Variants in FBXL7 observed in about 807,000 individuals in gnomAD.
FBXL7 encodes F-box and leucine rich repeat protein 7, also known as F-box/LRR-repeat protein 7.
Under a neutral mutation model 38.3 loss-of-function variants are expected in FBXL7, and 12 were observed. That is an observed-to-expected ratio of 0.31 (90% CI 0.20 to 0.51). The LOEUF (loss-of-function observed/expected upper bound fraction) is 0.51, where lower values mean the gene tolerates loss of function less well. FBXL7 is among the 20% of genes least tolerant of loss of function. FBXL7 has a pLI of 0.98. For missense variants in FBXL7, 567 were observed against 676.4 expected (o/e 0.84, Z 1.79); for synonymous variants, 297 against 300.9 (o/e 0.99, Z 0.13).
chr5:15,745,210 G>C (rs1735983194), intron 2 of FBXL7, among the ~76,000 whole-genome samples: 1 of 139,820 alleles, frequency 7.2e-6, no homozygotes, highest in Admixed American at 7.4e-5. Context: ...CTGTGACTAT[G>C]AAAGTGTATT....
At chr5:15,718,356 A>C (rs991833322) in intron 2 of FBXL7, among the ~76,000 whole-genome samples, 2 of 152,172 alleles carry the variant, frequency 1.3e-5, no homozygotes, top group Admixed American at 1.3e-4. Context: ...CTTTCTTTAG[A>C]TATTAGTCAA....
intron 2 of FBXL7, among the ~76,000 whole-genome samples, chr5:15,914,625 C>T (rs1053516813): frequency 6.6e-6 from 1 of 152,156 alleles, no homozygotes; most frequent in African/African-American, 2.4e-5. Context: ...AACAAAAGAC[C>T]TGAAAATGAA....
intron 2 of FBXL7, among the ~76,000 whole-genome samples, chr5:15,724,904 C>G (rs181584141): frequency 6.6e-6 from 1 of 152,118 alleles, no homozygotes; most frequent in Admixed American, 6.6e-5. Context: ...GTAGCGATTA[C>G]TGTGTTGAGT....
intron 2 of FBXL7, among the ~76,000 whole-genome samples, chr5:15,687,342 C>G (rs1348635825): frequency 2.6e-5 from 4 of 152,148 alleles, no homozygotes; most frequent in Admixed American, 2.6e-4. Context: ...TTACAGAATC[C>G]AAATTGTGGC....
chr5:15,868,900 TAA>T (rs1169842222), intron 2 of FBXL7, among the ~76,000 whole-genome samples: 1 of 152,162 alleles, frequency 6.6e-6, no homozygotes, highest in Non-Finnish European at 1.5e-5. Context: ...TAATTGTATA[TAA>T]GAGTTAACTA....
chr5:15,639,961 C>T (rs1037655994), intron 2 of FBXL7, among the ~76,000 whole-genome samples: 8 of 151,946 alleles, frequency 5.3e-5, no homozygotes, highest in African/African-American at 1.7e-4. Flanking sequence ...AGGTCTTTTC[C>T]GTAATTGAGG....
chr5:15,572,387 T>TAAAAAAA (rs61523559), intron 1 of FBXL7, among the ~76,000 whole-genome samples: 1 of 110,554 alleles, frequency 9.0e-6, no homozygotes. Flanking sequence ...TGGTTTCTGC[T>TAAAAAAA]AAAAAAAAAA....
At chr5:15,768,547 AAAAAG>A (rs1736650865) in intron 2 of FBXL7, among the ~76,000 whole-genome samples, 1 of 152,120 alleles carries the variant, frequency 6.6e-6, no homozygotes, top group Admixed American at 6.5e-5. Flanking sequence ...AAAAAAGAAA[AAAAAG>A]AGTAACACTG....
rs186404662 is a variant in FBXL7, at chr5:15,634,536, G to C, written c.127+18464G>C. ...GGGGGTTTACCCTAGGGCCAGGCTG[G>C]TGTCGAACTCCTGACCTCAAGTGAT... On this transcript the variant is annotated intron_variant, in intron 2 of 3. Transcript: ENST00000504595. Among the ~76,000 whole-genome samples the C allele has an allele frequency of 7.7e-3, 1,165 of 151,708 alleles. 6 individuals are homozygous for C. Among genetic ancestry groups the C allele is most frequent in the Middle Eastern group, 0.017 (5 of 294 alleles).
intron 2 of FBXL7, among the ~76,000 whole-genome samples, chr5:15,918,341 C>T (rs1304513141): frequency 2.6e-5 from 4 of 152,130 alleles, no homozygotes; most frequent in Admixed American, 1.3e-4. Context: ...GGATTATAAT[C>T]TAGGACTCAC....
chr5:15,661,322 A>T (rs74662380), intron 2 of FBXL7, among the ~76,000 whole-genome samples: 1 of 152,088 alleles, frequency 6.6e-6, no homozygotes, highest in Non-Finnish European at 1.5e-5. Context: ...GAGATTTTCT[A>T]TGTAGATGAT....
intron 1 of FBXL7, among the ~76,000 whole-genome samples, chr5:15,596,025 G>A (rs750919282): frequency 1.3e-5 from 2 of 152,168 alleles, no homozygotes; most frequent in South Asian, 4.1e-4. Context: ...AGGGGACATC[G>A]CAGTCCTAAT....
chr5:15,861,912 A>G (rs191748743), intron 2 of FBXL7, among the ~76,000 whole-genome samples: 101 of 152,364 alleles, frequency 6.6e-4, no homozygotes, highest in Non-Finnish European at 1.1e-3. Context: ...ATTTTAATAT[A>G]TGATCAGCCA....
At chr5:15,614,847 G>C (rs1223405103) in intron 1 of FBXL7, among the ~76,000 whole-genome samples, 1 of 152,170 alleles carries the variant, frequency 6.6e-6, no homozygotes, top group Non-Finnish European at 1.5e-5. Flanking sequence ...AAGACAGCAG[G>C]AAGGGTCTCT....
chr5:15,613,567 G>A (rs1282059424), intron 1 of FBXL7, among the ~76,000 whole-genome samples: 2 of 152,178 alleles, frequency 1.3e-5, no homozygotes, highest in Non-Finnish European at 2.9e-5. Context: ...GGGTGATAGT[G>A]AGAGGAAATG....
At chr5:15,679,435 T>A (rs1362808731) in intron 2 of FBXL7, among the ~76,000 whole-genome samples, 1 of 152,218 alleles carries the variant, frequency 6.6e-6, no homozygotes, top group African/African-American at 2.4e-5. Context: ...TCCTTATTTA[T>A]GTTTTCTCAG....
chr5:15,906,514 T>A (rs7734197), intron 2 of FBXL7, among the ~76,000 whole-genome samples: 73,377 of 126,540 alleles, frequency 0.58, 20,100 homozygotes, highest in Non-Finnish European at 0.65. Context: ...CCACAAAAAA[T>A]TTTTTTTTTT....
intron 2 of FBXL7, among the ~76,000 whole-genome samples, chr5:15,726,111 T>C (rs1744343552): frequency 1.3e-5 from 2 of 152,248 alleles, no homozygotes; most frequent in South Asian, 2.1e-4. Flanking sequence ...TTTTCATATG[T>C]AATGTCCTTT....
At chr5:15,501,718 C>G in intron 1 of FBXL7, 1 of 985,450 alleles carries the variant, frequency 1.0e-6, no homozygotes, top group Non-Finnish European at 1.2e-6. Flanking sequence ...GCTGTGGCCA[C>G]AGAATGTGGG....
Sources: gnomAD v4.1 joint callset for allele counts (sites outside exome capture counted in the v4.1 genomes callset) on GRCh38, gnomAD v4.1.1 for gene constraint, MANE v1.5 for transcripts, NCBI Gene and HGNC (gene_info 2026-07-23, HGNC 2026-07-21) for gene names.